Variants in DNAH3 observed in about 807,000 individuals in gnomAD.
DNAH3 encodes the protein axonemal beta dynein heavy chain 3.
Under a neutral mutation model 432.5 loss-of-function variants are expected in DNAH3, and 332 were observed. That is an observed-to-expected ratio of 0.77 (90% CI 0.70 to 0.84). DNAH3 has a LOEUF of 0.84. DNAH3 is among the 40% of genes least tolerant of loss of function. The pLI, the probability that DNAH3 is intolerant of heterozygous loss-of-function variation, is 0.00. For synonymous variants in DNAH3, 1,956 were observed against 1,900.2 expected, an observed-to-expected ratio of 1.03 and a Z score of -0.76; for missense variants, 4,861 against 5,114.0, an observed-to-expected ratio of 0.95 and a Z score of 1.51.
intron 59 of DNAH3, 152 bp from the exon 60 acceptor site, chr16:20,937,005 A>G (rs2083616156): frequency 3.1e-6 from 2 of 647,374 alleles, no homozygotes; most frequent in Admixed American, 6.0e-5. Flanking sequence ...TGCTACCTAA[A>G]GATAACGTTG....
At chr16:20,978,390 G>A (rs983660254) in intron 50 of DNAH3, among the ~76,000 whole-genome samples, 23 of 152,262 alleles carry the variant, frequency 1.5e-4, no homozygotes, top group African/African-American at 4.3e-4. Flanking sequence ...TTAGCTGGGC[G>A]TGGTGGCACG....
At chr16:21,008,381 G>C (rs2087421228) in intron 41 of DNAH3, among the ~76,000 whole-genome samples, 1 of 152,122 alleles carries the variant, frequency 6.6e-6, no homozygotes, top group Admixed American at 6.5e-5. Context: ...TAATCCATAG[G>C]GTTGGGTAAA....
At chr16:21,085,589 T>C (rs987689803) in intron 19 of DNAH3, among the ~76,000 whole-genome samples, 14 of 149,938 alleles carry the variant, frequency 9.3e-5, no homozygotes, top group African/African-American at 3.2e-4. Context: ...CTCTTGTCTA[T>C]ACATCACCCC....
intron 58 of DNAH3, among the ~76,000 whole-genome samples, chr16:20,944,132 T>C (rs969580538): frequency 1.3e-4 from 19 of 151,426 alleles, no homozygotes; most frequent in Admixed American, 2.0e-4. Flanking sequence ...ATGGTTCTGA[T>C]GTGCAATCTT....
chr16:21,018,007 A>G (rs974228923), intron 41 of DNAH3, among the ~76,000 whole-genome samples: 1 of 151,570 alleles, frequency 6.6e-6, no homozygotes, highest in Non-Finnish European at 1.5e-5. Flanking sequence ...TTTTTTAAAA[A>G]AAATTCAAAA....
chr16:20,955,256 A>G (rs769831747), intron 54 of DNAH3, among the ~76,000 whole-genome samples, 199 bp from the exon 55 acceptor site: 2 of 152,288 alleles, frequency 1.3e-5, no homozygotes, highest in South Asian at 4.2e-4. Flanking sequence ...AAATACTACC[A>G]GAGCCAAAAC....
intron 10 of DNAH3, chr16:21,121,184 G>C: frequency 2.4e-6 from 1 of 415,968 alleles, no homozygotes; most frequent in Non-Finnish European, 4.6e-6. Context: ...ACTGGACAAT[G>C]GCCCTTTGGT....
intron 27 of DNAH3, among the ~76,000 whole-genome samples, chr16:21,055,866 C>T (rs189779387): frequency 2.0e-5 from 3 of 152,070 alleles, no homozygotes; most frequent in East Asian, 1.9e-4. Flanking sequence ...CCACCTCAGC[C>T]GCCTGAGTAG....
intron 53 of DNAH3, among the ~76,000 whole-genome samples, chr16:20,960,418 G>A (rs903427289): frequency 6.6e-6 from 1 of 152,176 alleles, no homozygotes; most frequent in Admixed American, 6.5e-5. Flanking sequence ...AGATGTGGTG[G>A]CTCACGCCTG....
chr16:20,983,506 C>G (rs1404294827), intron 48 of DNAH3, among the ~76,000 whole-genome samples: 1 of 152,112 alleles, frequency 6.6e-6, no homozygotes, highest in East Asian at 1.9e-4. Context: ...GTGGCTGGAG[C>G]CCTTTGATTG....
At chr16:20,952,683 C>T in intron 55 of DNAH3, 134 bp from the exon 56 acceptor site, 1 of 629,300 alleles carries the variant, frequency 1.6e-6, no homozygotes, top group South Asian at 1.7e-5. Context: ...AGCACCGAGG[C>T]CAACTATTAG....
chr16:21,125,349 C>T, exon 9 of DNAH3: 1 of 1,607,780 alleles, frequency 6.2e-7, no homozygotes, highest in Non-Finnish European at 8.5e-7. Context: ...AGGTAAAAAG[C>T]TGGGCGCAGG....
At chr16:21,144,345 T>C (rs2092755923) in intron 3 of DNAH3, among the ~76,000 whole-genome samples, 1 of 152,094 alleles carries the variant, frequency 6.6e-6, no homozygotes, top group Non-Finnish European at 1.5e-5. Flanking sequence ...TCTCTCCCCC[T>C]CCCTCGCTCT....
chr16:20,975,328 C>G (rs2152647903), exon 51 of DNAH3: 1 of 1,614,190 alleles, frequency 6.2e-7, no homozygotes. Flanking sequence ...GTCTCCGCTT[C>G]AATTTTCACC....
intron 20 of DNAH3, among the ~76,000 whole-genome samples, chr16:21,078,595 A>G (rs1018085365): frequency 2.6e-5 from 4 of 152,242 alleles, no homozygotes; most frequent in African/African-American, 9.6e-5. Context: ...GCTGTGGCCA[A>G]GTCACTTGAC....
intron 1 of DNAH3, 93 bp from the exon 3 acceptor site, chr16:21,146,181 G>A: frequency 1.3e-6 from 1 of 762,786 alleles, no homozygotes; most frequent in Non-Finnish European, 2.3e-6. Flanking sequence ...CCCAGGAAAA[G>A]TTTTAGGTCC....
chr16:21,076,762 C>T (rs1597322831), intron 20 of DNAH3, among the ~76,000 whole-genome samples: 1 of 152,236 alleles, frequency 6.6e-6, no homozygotes, highest in Non-Finnish European at 1.5e-5. Context: ...TGTGCTACTG[C>T]CCAGTGGGAA....
chr16:21,097,375 T>C (rs1486525560), exon 18 of DNAH3: 4 of 1,613,818 alleles, frequency 2.5e-6, no homozygotes, highest in Non-Finnish European at 3.4e-6. Flanking sequence ...TTCCTCTGAC[T>C]TGATGCTGAA....
chr16:20,939,691 C>T (rs1343446233), intron 59 of DNAH3, among the ~76,000 whole-genome samples: 1 of 152,024 alleles, frequency 6.6e-6, no homozygotes, highest in Non-Finnish European at 1.5e-5. Flanking sequence ...GTCCCCTGGT[C>T]CTCTGGAATC....
Sources: allele counts gnomAD v4.1 joint callset (sites outside exome capture counted in the v4.1 genomes callset), GRCh38; gene constraint gnomAD v4.1.1; transcripts MANE v1.5; gene names NCBI Gene and HGNC (gene_info 2026-07-23, HGNC 2026-07-21).